ASTN1: variants seen among roughly 807,000 people sequenced by gnomAD.
The protein encoded by ASTN1 is astrotactin-1.
ASTN1 carries 41 observed loss-of-function variants against 140.7 expected under a neutral mutation model. That is an observed-to-expected ratio of 0.29 (90% CI 0.23 to 0.38). ASTN1 has a LOEUF of 0.38. ASTN1 is among the 10% of genes least tolerant of loss of function. ASTN1 has a pLI of 1.00. For missense variants in ASTN1, 1,479 were observed against 1,678.8 expected (o/e 0.88, Z 2.08); for synonymous variants, 640 against 652.2 (o/e 0.98, Z 0.29).
intron 16 of ASTN1, among the ~76,000 whole-genome samples, chr1:176,914,177 T>A (rs775188640): frequency 3.3e-5 from 5 of 152,186 alleles, no homozygotes; most frequent in Non-Finnish European, 7.3e-5. Context: ...TTGTCCAAGG[T>A]CACAGAATTA....
At chr1:176,871,590 A>C (rs2103015061) in intron 21 of ASTN1, among the ~76,000 whole-genome samples, 1 of 152,082 alleles carries the variant, frequency 6.6e-6, no homozygotes, top group Non-Finnish European at 1.5e-5. Context: ...ATCTCCTAAA[A>C]CCACGATATT....
chr1:177,113,121 C>G (rs546787870), intron 1 of ASTN1, among the ~76,000 whole-genome samples: 1 of 152,248 alleles, frequency 6.6e-6, no homozygotes, highest in Non-Finnish European at 1.5e-5. Flanking sequence ...CCCAGCAATC[C>G]CCTGAAAACT....
chr1:176,948,830 CT>C (rs1453131816), intron 12 of ASTN1, among the ~76,000 whole-genome samples: 1 of 152,128 alleles, frequency 6.6e-6, no homozygotes, highest in African/African-American at 2.4e-5. Flanking sequence ...CAATAAAAAC[CT>C]TTTGTCACAA....
intron 17 of ASTN1, among the ~76,000 whole-genome samples, chr1:176,892,712 A>G (rs889144372): frequency 3.3e-4 from 51 of 152,240 alleles, no homozygotes; most frequent in African/African-American, 1.2e-3. Context: ...AATGGACCCA[A>G]TGATATGCCA....
intron 1 of ASTN1, among the ~76,000 whole-genome samples, chr1:177,139,932 T>C (rs1208740699): frequency 6.6e-6 from 1 of 152,218 alleles, no homozygotes; most frequent in Non-Finnish European, 1.5e-5. Context: ...TGTATATAGC[T>C]GATAGATGTT....
chr1:176,913,594 T>C, intron 16 of ASTN1, among the ~76,000 whole-genome samples: 1 of 152,208 alleles, frequency 6.6e-6, no homozygotes, highest in East Asian at 1.9e-4. Context: ...AAAAACAAAC[T>C]TGGATTTAGA....
rs953082549 is a variant in ASTN1 at position 176,862,762 on chromosome 1, C to T, written c.*1522G>A. 1.0e-5 allele frequency: 10 copies of T among 959,182 alleles called. No homozygotes were observed. In the Admixed American group the frequency reaches 3.1e-4, roughly 30 times the overall value. 59.4% of individuals were successfully genotyped at this position (959,182 alleles called of 1,614,324 possible). The stretch of plus-strand genomic sequence containing the variant: ...GAGTTGCTGTGAGAATTCAATGATA[C>T]CTAAAGTGCTTACATCAGCGCCTGG... On this transcript the variant is annotated 3_prime_UTR_variant, in exon 23 of 23. Transcript: ENST00000361833.
intron 2 of ASTN1, among the ~76,000 whole-genome samples, chr1:177,056,400 G>T (rs1489604931): frequency 6.6e-6 from 1 of 152,120 alleles, no homozygotes; most frequent in African/African-American, 2.4e-5. Flanking sequence ...TAAGGCCTCT[G>T]ATGGCAGCCA....
chr1:177,026,552 C>A (rs1676122813), intron 5 of ASTN1, among the ~76,000 whole-genome samples: 1 of 152,150 alleles, frequency 6.6e-6, no homozygotes, highest in Admixed American at 6.5e-5. Context: ...GGTCATATGG[C>A]AGCTGTATTT....
chr1:176,895,984 CA>C (rs1421437039), intron 16 of ASTN1, among the ~76,000 whole-genome samples: 3 of 152,174 alleles, frequency 2.0e-5, no homozygotes, highest in Non-Finnish European at 4.4e-5. Flanking sequence ...ATGCAATGGA[CA>C]ATGGGCTGGA....
chr1:176,998,899 CT>C (rs1207922901), intron 8 of ASTN1, among the ~76,000 whole-genome samples: 2 of 152,182 alleles, frequency 1.3e-5, no homozygotes, highest in African/African-American at 2.4e-5. Flanking sequence ...TGGGTGTAAC[CT>C]TTGGGCAAGG....
At chr1:177,018,293 C>T (rs984715728) in intron 7 of ASTN1, among the ~76,000 whole-genome samples, 4 of 152,144 alleles carry the variant, frequency 2.6e-5, no homozygotes, top group African/African-American at 9.7e-5. Context: ...GTATCAGGAA[C>T]AAAATCGGGA....
chr1:177,156,011 C>T (rs1277810878), intron 1 of ASTN1, among the ~76,000 whole-genome samples: 1 of 152,074 alleles, frequency 6.6e-6, no homozygotes, highest in South Asian at 2.1e-4. Flanking sequence ...GTGGCTCATG[C>T]CTATAATCCT....
intron 1 of ASTN1, among the ~76,000 whole-genome samples, chr1:177,097,572 A>C (rs1446131943): frequency 6.6e-6 from 1 of 152,246 alleles, no homozygotes; most frequent in Non-Finnish European, 1.5e-5. Flanking sequence ...TGTTCCTGGC[A>C]TAAAGCTCCT....
chr1:176,976,170 T>A (rs568446930), intron 8 of ASTN1: 1 of 152,296 alleles, frequency 6.6e-6, no homozygotes, highest in South Asian at 2.1e-4. Flanking sequence ...GGATCAACAG[T>A]TCCATGAAAA....
intron 2 of ASTN1, among the ~76,000 whole-genome samples, chr1:177,051,885 T>C (rs893939773): frequency 2.0e-5 from 3 of 152,166 alleles, no homozygotes; most frequent in Admixed American, 2.0e-4. Flanking sequence ...AGTGATGGAA[T>C]TCCCTAAATG....
chr1:176,939,341 G>T (rs995807060), intron 14 of ASTN1, among the ~76,000 whole-genome samples: 1 of 152,098 alleles, frequency 6.6e-6, no homozygotes, highest in Non-Finnish European at 1.5e-5. Context: ...ATGTTGGGTG[G>T]GGAAGAGGGG....
At position 177,014,672 on chromosome 1, in the gene ASTN1, G is replaced by T. The variant is rs1675453943; in HGVS notation, c.1523+119C>A. Reference sequence around the variant, plus strand: ...GGCATAGTGACATTTTTACCCATTTGCTGTTCAGAATATAGCCACCCTTTA... The same window carrying T: ...GGCATAGTGACATTTTTACCCATTTTCTGTTCAGAATATAGCCACCCTTTA... On this transcript the variant is annotated intron_variant, in intron 8 of 22. Coordinates refer to ENST00000361833, the MANE Select transcript of ASTN1 (RefSeq NM_004319.3). 1.2e-5 allele frequency: 10 copies of T among 806,958 alleles called. 1 individual carries two copies. The highest frequency in any genetic ancestry group is 3.5e-5 in the African/African-American group (2 of 57,504). 50.0% of individuals were successfully genotyped at this position (806,958 alleles called of 1,614,324 possible). A position where few individuals can be genotyped will look rare whatever the true frequency, so the allele number is the denominator to read the frequency against.
intron 16 of ASTN1, among the ~76,000 whole-genome samples, chr1:176,906,513 T>C (rs1051011933): frequency 2.0e-5 from 3 of 152,090 alleles, no homozygotes; most frequent in African/African-American, 7.2e-5. Flanking sequence ...AGAGGTGTTA[T>C]TAGTGGCATG....
Sources: gnomAD v4.1 joint callset for allele counts (sites outside exome capture counted in the v4.1 genomes callset) on GRCh38, gnomAD v4.1.1 for gene constraint, MANE v1.5 for transcripts, NCBI Gene and HGNC (gene_info 2026-07-23, HGNC 2026-07-21) for gene names.